SIDT1: variants seen among roughly 807,000 people sequenced by gnomAD.
The protein encoded by SIDT1 is SID1 transmembrane family member 1.
SIDT1 carries 101 observed loss-of-function variants against 107.5 expected under a neutral mutation model. The observed-to-expected ratio is 0.94, with a 90% CI of 0.80 to 1.11. SIDT1 has a LOEUF of 1.11. SIDT1 is among the 50% of genes least tolerant of loss of function. The pLI is 0.00. For missense variants in SIDT1, 1,076 were observed against 1,058.2 expected (o/e 1.02, Z -0.23); for synonymous variants, 395 against 398.2 (o/e 0.99, Z 0.10).
intron 19 of SIDT1, among the ~76,000 whole-genome samples, chr3:113,613,035 C>T (rs1221231288): frequency 6.6e-6 from 1 of 152,200 alleles, no homozygotes. Context: ...AATATACCTC[C>T]ATTGCAACTA....
chr3:113,635,546 T>C, the SIDT1 span, among the ~76,000 whole-genome samples: 1 of 152,226 alleles, frequency 6.6e-6, no homozygotes, highest in Non-Finnish European at 1.5e-5. Flanking sequence ...CCAGCTACTT[T>C]AAATTTTCTT....
At chr3:113,608,047 C>T in intron 15 of SIDT1, 47 bp from the exon 16 acceptor site, 2 of 1,491,204 alleles carry the variant, frequency 1.3e-6, no homozygotes, top group Non-Finnish European at 1.8e-6. Flanking sequence ...TCTCTGGGTC[C>T]CTTTGATGGT....
intron 3 of SIDT1, among the ~76,000 whole-genome samples, chr3:113,570,005 A>G (rs963524816): frequency 6.6e-6 from 1 of 152,170 alleles, no homozygotes; most frequent in South Asian, 2.1e-4. Context: ...TCCTGGGTTC[A>G]AGCGATTCTT....
At position 113,603,940 on chromosome 3, in the gene SIDT1, CT is replaced by C. The variant is rs1302941292; in HGVS notation, c.1264-15del. On this transcript the variant is annotated intron_variant, in intron 12 of 24. Coordinates refer to ENST00000264852, the MANE Select transcript of SIDT1 (RefSeq NM_017699.3). ...AGAGCTGAGTACAGTTTTGCATTCT[CT>C]TTTTATTTGGCATTCCAGATGTTCC... 1 of 1,597,444 alleles carries C rather than the reference CT, an allele frequency of 6.3e-7. No individual in the cohort carries two copies. Among genetic ancestry groups the C allele is most frequent in the Non-Finnish European group, 8.6e-7 (1 of 1,166,444 alleles).
At chr3:113,604,465 A>T (rs1239263270) in intron 13 of SIDT1, among the ~76,000 whole-genome samples, 2 of 152,238 alleles carry the variant, frequency 1.3e-5, no homozygotes, top group African/African-American at 2.4e-5. Context: ...TGTTTAATCT[A>T]ACAGCAGCCT....
intron 4 of SIDT1, among the ~76,000 whole-genome samples, chr3:113,578,588 C>T (rs924610018): frequency 1.3e-5 from 2 of 152,042 alleles, no homozygotes; most frequent in African/African-American, 4.8e-5. Context: ...TGGCTTGCAC[C>T]TGTAATCCCA....
chr3:113,549,864 G>A (rs1940020564), intron 1 of SIDT1, among the ~76,000 whole-genome samples: 1 of 152,010 alleles, frequency 6.6e-6, no homozygotes, highest in South Asian at 2.1e-4. Context: ...TGGAAGTTTT[G>A]TAGTTTTCCA....
At chr3:113,620,206 GT>G (rs1946374420) in intron 21 of SIDT1, among the ~76,000 whole-genome samples, 1 of 151,872 alleles carries the variant, frequency 6.6e-6, no homozygotes, top group African/African-American at 2.4e-5. Context: ...GTGTGTGTGT[GT>G]GTGTGTGTGT....
intron 7 of SIDT1, among the ~76,000 whole-genome samples, chr3:113,584,445 A>C (rs61299722): frequency 6.6e-6 from 1 of 152,212 alleles, no homozygotes; most frequent in Admixed American, 6.5e-5. Flanking sequence ...TCTTGTTTGC[A>C]TCTGTTAGTG....
chr3:113,548,271 T>C lies in SIDT1; in HGVS notation c.222+15028T>C, dbSNP rs529021750. Among the ~76,000 whole-genome samples, 8 of 152,270 alleles carry C rather than the reference T, an allele frequency of 5.3e-5. No homozygotes were observed. The South Asian group carries it at 1.7e-3, about 32-fold the overall frequency. On this transcript the variant is annotated intron_variant, in intron 1 of 24. Coordinates refer to ENST00000264852, the MANE Select transcript of SIDT1 (RefSeq NM_017699.3). ...TGTATTTTACATTGGGGTTCACTCT[T>C]GGTGTTGCACAGTTCTGTGGATTTT...
intron 1 of SIDT1, among the ~76,000 whole-genome samples, chr3:113,536,868 G>A (rs187920589): frequency 1.3e-5 from 2 of 152,376 alleles, no homozygotes; most frequent in South Asian, 2.1e-4. Flanking sequence ...AGTGTCTGGA[G>A]ACTCTCTTTA....
At chr3:113,634,688 C>T in the SIDT1 span, among the ~76,000 whole-genome samples, 1 of 151,860 alleles carries the variant, frequency 6.6e-6, no homozygotes, top group African/African-American at 2.4e-5. Flanking sequence ...TCTGTAATTC[C>T]AGCTACTAGG....
rs757390824 is a variant in SIDT1 at position 113,604,002 on chromosome 3, A to C, written c.1306A>C (p.Ile436Leu). 1 of 1,609,284 alleles carries C rather than the reference A, an allele frequency of 6.2e-7. No individual in the cohort carries two copies. Among genetic ancestry groups the C allele is most frequent in the East Asian group, 2.2e-5 (1 of 44,794 alleles). ...LSDLSRKDRR[I>L]VSKKYKIYFW... ...AGATTTGTCCAGGAAGGACCGGAGA[A>C]TTGTCAGCAAAAAATATAAAATTTA... Residue 436 changes from isoleucine (I) to leucine (L), a missense_variant, in exon 13 of 25, where the codon ATT becomes CTT. Transcript: ENST00000264852.
chr3:113,604,443 C>A (rs1945179947), intron 13 of SIDT1, among the ~76,000 whole-genome samples: 1 of 152,224 alleles, frequency 6.6e-6, no homozygotes, highest in Non-Finnish European at 1.5e-5. Context: ...TCACTCATTA[C>A]TTACACTCTG....
intron 3 of SIDT1, among the ~76,000 whole-genome samples, chr3:113,569,292 T>C (rs538924421): frequency 6.6e-6 from 1 of 152,282 alleles, no homozygotes; most frequent in Middle Eastern, 3.4e-3. Context: ...ATGGCTATGT[T>C]TGACGATAAT....
In SIDT1 at chr3:113,608,321, A is replaced by G. The variant is rs113839853; in HGVS notation, c.1603-98A>G. 14 of 1,543,964 alleles carry G rather than the reference A, an allele frequency of 9.1e-6. No homozygotes were observed. The African/African-American group carries it at 1.4e-4, about 15-fold the overall frequency. On this transcript the variant is annotated intron_variant, in intron 16 of 24. Transcript: ENST00000264852. ...ATGGTGTGATGATTTATTATGTGTA[A>G]TAAACTACATGAGGCCAGAAGCATG... is the stretch of plus-strand genomic sequence containing the variant.
chr3:113,601,131 T>C (rs1238414120), intron 10 of SIDT1, among the ~76,000 whole-genome samples: 2 of 152,166 alleles, frequency 1.3e-5, no homozygotes, highest in Non-Finnish European at 2.9e-5. Flanking sequence ...TGGCTAAAGG[T>C]TTTGAGTTTA....
chr3:113,598,552 T>TA (rs1208615433), intron 10 of SIDT1, among the ~76,000 whole-genome samples: 1 of 152,178 alleles, frequency 6.6e-6, no homozygotes, highest in East Asian at 1.9e-4. Flanking sequence ...TATATACAAT[T>TA]AAAAAATCTT....
At position 113,626,093 on chromosome 3, in the gene SIDT1, T is replaced by G; in HGVS notation, c.2308-9T>G. The G allele has an allele frequency of 6.2e-7, 1 of 1,603,072 alleles. No homozygotes were observed. The highest frequency in any genetic ancestry group is 8.5e-7 in the Non-Finnish European group (1 of 1,169,946). On this transcript the variant is annotated splice_polypyrimidine_tract_variant and intron_variant, in intron 23 of 24. Transcript: ENST00000264852. ...AATCTTGCCCATGTCCTGCCTCACC[T>G]TCCTCCAGGGAACTCCGGCCGAATC... is the stretch of plus-strand genomic sequence containing the variant.
Sources: allele counts gnomAD v4.1 joint callset (sites outside exome capture counted in the v4.1 genomes callset), GRCh38; gene constraint gnomAD v4.1.1; transcripts MANE v1.5; gene names NCBI Gene and HGNC (gene_info 2026-07-23, HGNC 2026-07-21).